The following RAPSN variants were observed in gnomAD, a reference collection of about 807,000 sequenced individuals.
The protein encoded by RAPSN is 43 kDa receptor-associated protein of the synapse.
Under a neutral mutation model 45.7 loss-of-function variants are expected in RAPSN, and 33 were observed. The ratio of observed to expected loss-of-function variants is 0.72; its 90% CI spans 0.55 to 0.97. The LOEUF (loss-of-function observed/expected upper bound fraction) is 0.97, where lower values mean the gene tolerates loss of function less well. Ranked by LOEUF, RAPSN falls within the 50% of genes least tolerant of loss-of-function variation. The pLI, the probability that RAPSN is intolerant of heterozygous loss-of-function variation, is 0.00. For synonymous variants in RAPSN, 244 were observed against 233.6 expected (o/e 1.04, Z -0.40); for missense variants, 519 against 559.4 (o/e 0.93, Z 0.73).
intron 5 of RAPSN, 120 bp downstream of exon 5, chr11:47,441,491 C>A: frequency 6.6e-7 from 1 of 1,520,046 alleles, no homozygotes; most frequent in Non-Finnish European, 8.9e-7. Context: ...AATGTCCTGG[C>A]CTCGTAGGAT....
At chr11:47,443,332 T>C (rs981625272) in intron 2 of RAPSN, among the ~76,000 whole-genome samples, 3 of 152,176 alleles carry the variant, frequency 2.0e-5, no homozygotes, top group Non-Finnish European at 4.4e-5. Flanking sequence ...GCTTGTACTT[T>C]TTCCTCAAGC....
chr11:47,443,602 C>T (rs543696999), intron 2 of RAPSN, among the ~76,000 whole-genome samples: 4 of 152,048 alleles, frequency 2.6e-5, no homozygotes, highest in Non-Finnish European at 5.9e-5. Flanking sequence ...TTCCCATCCA[C>T]GTGCAAACAT....
Position 47,442,715 on chromosome 11 carries a change from G to T in RAPSN, c.631C>A (p.His211Asn). 1 of 1,614,258 alleles carries T rather than the reference G, an allele frequency of 6.2e-7. No individual in the cohort carries two copies. The highest frequency in any genetic ancestry group is 8.5e-7 in the Non-Finnish European group (1 of 1,180,046). ...SLKYRAMSQY[H>N]MAVAYRLLGR... The stretch of plus-strand genomic sequence containing the variant: ...AGCAGGCGATAGGCCACGGCCATGT[G>T]GTACTGGCTCATGGCCCGGTACTTC... Residue 211 changes from histidine to asparagine, a missense_variant, in exon 3 of 8, where the codon CAC becomes AAC. Coordinates refer to ENST00000298854, the MANE Select transcript of RAPSN (RefSeq NM_005055.5).
At chr11:47,445,318 TG>T (rs936541744) in intron 2 of RAPSN, among the ~76,000 whole-genome samples, 2 of 150,438 alleles carry the variant, frequency 1.3e-5, no homozygotes, top group African/African-American at 4.9e-5. Flanking sequence ...AAAACAAGGC[TG>T]GGCACAGTGG....
chr11:47,443,011 G>T (rs1565685126), intron 2 of RAPSN, among the ~76,000 whole-genome samples, 197 bp from the exon 3 acceptor site: 1 of 152,198 alleles, frequency 6.6e-6, no homozygotes, highest in Non-Finnish European at 1.5e-5. Context: ...GTGGACTCAG[G>T]GATTCTCATC....
rs1440031802 is a variant in RAPSN at position 47,438,676 on chromosome 11, T to C, written c.1166+56A>G. ...TGCTGTGATTAAGCCAGCTGGGCCC[T>C]AGAGTGCCCCGAAGAGATCCTGCCC... On this transcript the variant is annotated intron_variant, in intron 7 of 7. Transcript: ENST00000298854. 4 of 1,544,838 alleles carry C rather than the reference T, an allele frequency of 2.6e-6. No individual in the cohort carries two copies. The East Asian group carries it at 9.8e-5, about 38-fold the overall frequency.
intron 1 of RAPSN, 23 bp downstream of exon 1, chr11:47,448,750 G>T: frequency 6.2e-7 from 1 of 1,604,664 alleles, no homozygotes; most frequent in Non-Finnish European, 8.5e-7. Context: ...ACCCTCGAAC[G>T]CCCCCAGGCC....
In RAPSN at chr11:47,441,686, G is replaced by A. The variant is rs755310896; in HGVS notation, c.837C>T (p.Ile279=). ...YDSAMSIMTE[I]GNRLGQVQAL... ...CCTGCACCTGCCCCAGGCGGTTTCC[G>A]ATCTCGGTCATGATGCTCATGGCGG... The change falls in exon 5 of 8, where the codon ATC becomes ATT. Residue 279 remains isoleucine, a synonymous_variant. Transcript: ENST00000298854. 1.1e-5 allele frequency: 17 copies of A among 1,609,680 alleles called. No individual in the cohort carries two copies. Among genetic ancestry groups the A allele is most frequent in the East Asian group, 4.5e-5 (2 of 44,888 alleles).
At chr11:47,438,535 A>G in intron 7 of RAPSN, 197 bp downstream of exon 7, 2 of 624,846 alleles carry the variant, frequency 3.2e-6, no homozygotes, top group Non-Finnish European at 2.8e-6. Flanking sequence ...GTTGGCCAAG[A>G]TGATCTTGAA....
intron 2 of RAPSN, among the ~76,000 whole-genome samples, chr11:47,444,473 A>C (rs1423555140): frequency 1.3e-5 from 2 of 152,088 alleles, no homozygotes; most frequent in Non-Finnish European, 2.9e-5. Context: ...CAGGAGTTTT[A>C]GGTTACAGTG....
At chr11:47,445,162 C>T (rs1482280262) in intron 2 of RAPSN, among the ~76,000 whole-genome samples, 3 of 150,288 alleles carry the variant, frequency 2.0e-5, no homozygotes, top group African/African-American at 4.9e-5. Context: ...ACCCGGGAGG[C>T]GGAGGGTGCA....
rs772750994 is a variant in RAPSN, at chr11:47,447,801, T to C, written c.531+11A>G. 6.2e-7 allele frequency: 1 copy of C among 1,606,452 alleles called. No homozygotes were observed. The highest frequency in any genetic ancestry group is 8.5e-7 in the Non-Finnish European group (1 of 1,176,988). On this transcript the variant is annotated intron_variant, in intron 2 of 7. Transcript: ENST00000298854. ...ACCCTCCACTGCTGTCCCCCTGGGG[T>C]GCAGGCCCACCTTGACCTGGGCATA...
intron 5 of RAPSN, 79 bp downstream of exon 5, chr11:47,441,532 T>C (rs2076362204): frequency 1.9e-6 from 3 of 1,591,282 alleles, no homozygotes; most frequent in Admixed American, 3.4e-5. Context: ...ACAAAGTGGC[T>C]GAAAGAGCCG....
At chr11:47,438,971 G>A in intron 6 of RAPSN, 40 bp from the exon 7 acceptor site, 1 of 1,542,936 alleles carries the variant, frequency 6.5e-7, no homozygotes, top group Non-Finnish European at 8.7e-7. Flanking sequence ...TGGGGGATGA[G>A]AACAAAGTCA....
At chr11:47,439,290 A>G (rs369481106) in intron 6 of RAPSN, among the ~76,000 whole-genome samples, 1 of 152,194 alleles carries the variant, frequency 6.6e-6, no homozygotes, top group Non-Finnish European at 1.5e-5. Flanking sequence ...CCTGGCCAAC[A>G]TGGCGAAACC....
rs1565689206 is a variant in RAPSN, at chr11:47,448,953, G to GT, written c.11dup (p.Asp4GlufsTer154). ...CCTTCTCGATCTGCTGCTTGGTCTGGTCCTGCCCCATCCTCCCCAAGCCCT... is the reference window on the plus strand; with the variant it reads ...CCTTCTCGATCTGCTGCTTGGTCTGGTTCCTGCCCCATCCTCCCCAAGCCCT... On this transcript the variant is annotated frameshift_variant, in exon 1 of 8. Coordinates refer to ENST00000298854, the MANE Select transcript of RAPSN (RefSeq NM_005055.5). LOFTEE classifies it high-confidence loss of function. The GT allele has an allele frequency of 2.5e-6, 4 of 1,614,230 alleles. No homozygotes were observed. Among genetic ancestry groups the GT allele is most frequent in the Non-Finnish European group, 3.4e-6 (4 of 1,180,034 alleles).
intron 5 of RAPSN, among the ~76,000 whole-genome samples, 170 bp from the exon 6 acceptor site, chr11:47,441,382 G>C (rs1035361444): frequency 2.6e-5 from 4 of 152,192 alleles, no homozygotes; most frequent in African/African-American, 9.6e-5. Flanking sequence ...GTGTGGGCAA[G>C]TGACCTCCTG....
intron 6 of RAPSN, among the ~76,000 whole-genome samples, chr11:47,440,703 G>A (rs1327043346): frequency 3.9e-5 from 6 of 152,174 alleles, no homozygotes; most frequent in South Asian, 2.1e-4. Flanking sequence ...AGCTGGGATC[G>A]CGCTATTGCA....
chr11:47,441,606 C>T lies in RAPSN; in HGVS notation c.912+5G>A. Reference sequence around the variant, plus strand: ...CTGGAGGCTGTGGGAAAGGCCCGACCTCACCTTGTCCAGCGCCTTCCTGGC... The same window carrying T: ...CTGGAGGCTGTGGGAAAGGCCCGACTTCACCTTGTCCAGCGCCTTCCTGGC... On this transcript the variant is annotated splice_donor_5th_base_variant and intron_variant, in intron 5 of 7. Transcript: ENST00000298854. 1.0e-5 allele frequency: 16 copies of T among 1,605,258 alleles called. No homozygotes were observed. Among genetic ancestry groups the T allele is most frequent in the Non-Finnish European group, 1.4e-5 (16 of 1,179,640 alleles).
Sources: allele counts gnomAD v4.1 joint callset (sites outside exome capture counted in the v4.1 genomes callset), GRCh38; gene constraint gnomAD v4.1.1; transcripts MANE v1.5; gene names NCBI Gene and HGNC (gene_info 2026-07-23, HGNC 2026-07-21).